SASS6: variants seen among roughly 807,000 people sequenced by gnomAD.
SASS6 encodes spindle assembly abnormal protein 6 homolog.
SASS6 carries 59 observed loss-of-function variants against 94.9 expected under a neutral mutation model. That is an observed-to-expected ratio of 0.62 (90% CI 0.50 to 0.77). SASS6 has a LOEUF of 0.77. Ranked by LOEUF, SASS6 falls within the 30% of genes least tolerant of loss-of-function variation. SASS6 has a pLI of 0.00. For missense variants in SASS6, 698 were observed against 734.1 expected (o/e 0.95, Z 0.57); for synonymous variants, 264 against 270.0 (o/e 0.98, Z 0.22).
At position 100,103,082 on chromosome 1, in the gene SASS6, A is replaced by G; in HGVS notation, c.1547T>C (p.Val516Ala). ...RSGISPNLNV[V>A]DGRLTYPTCG... Reference sequence around the variant, plus strand: ...GGTTGGGTAAGTCAGTCTACCATCAACCTAAAAATAAAAACATAAAGATGA... The same window carrying G: ...GGTTGGGTAAGTCAGTCTACCATCAGCCTAAAAATAAAAACATAAAGATGA... The change falls in exon 14 of 17, where the codon GTT (valine) becomes GCT (alanine). Residue 516 changes from valine to alanine, a missense_variant and splice_region_variant. Coordinates refer to ENST00000287482, the MANE Select transcript of SASS6 (RefSeq NM_194292.3). 6.3e-7 allele frequency: 1 copy of G among 1,578,930 alleles called. No homozygotes were observed. Among genetic ancestry groups the G allele is most frequent in the Non-Finnish European group, 8.6e-7 (1 of 1,156,738 alleles).
Position 100,088,231 on chromosome 1 carries a change from CTG to C in SASS6, c.1678_1679del (p.Gln560ValfsTer2), listed in dbSNP as rs1557877836. On this transcript the variant is annotated frameshift_variant, in exon 15 of 17. Transcript: ENST00000287482. LOFTEE classifies it high-confidence loss of function. ...TTGGTTTTGTAAACTGCAAATTAAA[CTG>C]AACCTGTGAGAAGGAAAAACATCTC... Reference protein sequence around the residue: ...TSHPGSGTKVQFNLQFTKPNA... With the variant: ...TSHPGSGTKVXFNLQFTKPNA... 1 of 1,559,930 alleles carries C rather than the reference CTG, an allele frequency of 6.4e-7. No individual in the cohort carries two copies. The highest frequency in any genetic ancestry group is 1.7e-4 in the Middle Eastern group (1 of 5,942).
At chr1:100,110,185 C>T in intron 8 of SASS6, 107 bp downstream of exon 8, 1 of 580,784 alleles carries the variant, frequency 1.7e-6, no homozygotes, top group East Asian at 3.1e-5. Context: ...TACCCTAACA[C>T]CACAAGAGCA....
chr1:100,091,314 T>C (rs1329678513), intron 14 of SASS6, among the ~76,000 whole-genome samples: 1 of 151,882 alleles, frequency 6.6e-6, no homozygotes, highest in Non-Finnish European at 1.5e-5. Context: ...TGAACTGACT[T>C]AAGAATCACA....
chr1:100,093,275 G>A (rs1651882558), intron 14 of SASS6, among the ~76,000 whole-genome samples: 1 of 150,592 alleles, frequency 6.6e-6, no homozygotes, highest in Admixed American at 6.6e-5. Flanking sequence ...CACATCCTGG[G>A]CTCAGGTGAT....
intron 14 of SASS6, among the ~76,000 whole-genome samples, chr1:100,095,144 C>T (rs1316387744): frequency 3.9e-5 from 6 of 152,118 alleles, no homozygotes; most frequent in Non-Finnish European, 8.8e-5. Context: ...CTAGCAAAAA[C>T]CTACAGCTAA....
At position 100,132,876 on chromosome 1, in the gene SASS6, C is replaced by T. The variant is rs1655196059; in HGVS notation, c.-62G>A. 9 of 1,447,796 alleles carry T rather than the reference C, an allele frequency of 6.2e-6. No homozygotes were observed. In the South Asian group the frequency reaches 9.1e-5, roughly 15 times the overall value. 89.7% of individuals were successfully genotyped at this position (1,447,796 alleles called of 1,614,324 possible). ...CAACAGGCCCGGCCCTCGGGATTAGCCTGAGAGGTCCGGGTCCTGATAAAG... is the reference window on the plus strand; with the variant it reads ...CAACAGGCCCGGCCCTCGGGATTAGTCTGAGAGGTCCGGGTCCTGATAAAG... On this transcript the variant is annotated 5_prime_UTR_variant, in exon 1 of 17. Transcript: ENST00000287482.
Position 100,120,447 on chromosome 1 carries a change from A to T in SASS6, c.496T>A (p.Ser166Thr). The T allele has an allele frequency of 6.9e-7, 1 of 1,439,928 alleles. No individual in the cohort carries two copies. Among genetic ancestry groups the T allele is most frequent in the Non-Finnish European group, 9.8e-7 (1 of 1,022,140 alleles). 89.2% of individuals were successfully genotyped at this position (1,439,928 alleles called of 1,614,324 possible). A position where few individuals can be genotyped will look rare whatever the true frequency, so the allele number is the denominator to read the frequency against. Residue 166 changes from serine (S) to threonine (T), a missense_variant, in exon 6 of 17, where the codon TCA (serine) becomes ACA (threonine). Transcript: ENST00000287482. ...CLKCSKEEKL[S>T]LMQSLDDATK... ...GCATCATCTAGTGATTGCATCAATGATAATTTTTCTTCCTATTCATAAAAA... is the reference window on the plus strand; with the variant it reads ...GCATCATCTAGTGATTGCATCAATGTTAATTTTTCTTCCTATTCATAAAAA...
chr1:100,116,116 G>T (rs1301939011), intron 7 of SASS6, among the ~76,000 whole-genome samples: 1 of 152,092 alleles, frequency 6.6e-6, no homozygotes, highest in Non-Finnish European at 1.5e-5. Context: ...TACGGCAAAA[G>T]ATGCTGGCAA....
At chr1:100,124,610 G>A (rs1382048250) in intron 2 of SASS6, among the ~76,000 whole-genome samples, 1 of 152,104 alleles carries the variant, frequency 6.6e-6, no homozygotes. Flanking sequence ...TCAAACTCCT[G>A]GCTCAAGCAA....
chr1:100,104,033 A>C (rs1048450647), intron 13 of SASS6, among the ~76,000 whole-genome samples: 2 of 152,200 alleles, frequency 1.3e-5, no homozygotes, highest in African/African-American at 4.8e-5. Flanking sequence ...GTGATTTAAG[A>C]AAAAGTTTAA....
At chr1:100,119,997 C>T (rs570371959) in intron 6 of SASS6, among the ~76,000 whole-genome samples, 1 of 152,286 alleles carries the variant, frequency 6.6e-6, no homozygotes, top group African/African-American at 2.4e-5. Flanking sequence ...TGAAATGATG[C>T]TAAGCCTATC....
intron 7 of SASS6, among the ~76,000 whole-genome samples, chr1:100,115,788 C>A (rs61632435): frequency 0.032 from 4,860 of 151,896 alleles, 287 homozygotes; most frequent in African/African-American, 0.11. Context: ...TCACTGCACT[C>A]CAGCCTGGGC....
chr1:100,086,069 T>C (rs2101633653), intron 15 of SASS6, among the ~76,000 whole-genome samples: 1 of 143,520 alleles, frequency 7.0e-6, no homozygotes, highest in South Asian at 2.1e-4. Context: ...TAACACACAT[T>C]ACACAATAAA....
chr1:100,109,092 A>C (rs961539769), intron 8 of SASS6, among the ~76,000 whole-genome samples: 1 of 152,028 alleles, frequency 6.6e-6, no homozygotes, highest in African/African-American at 2.4e-5. Context: ...TTATATAATG[A>C]CCAGTTCCAG....
chr1:100,106,174 A>T (rs1652885937), intron 12 of SASS6, among the ~76,000 whole-genome samples: 2 of 152,206 alleles, frequency 1.3e-5, no homozygotes, highest in Admixed American at 6.5e-5. Context: ...CTTCTAGAAT[A>T]TCTTACAGTT....
chr1:100,129,915 G>A (rs1188547744), intron 1 of SASS6, among the ~76,000 whole-genome samples: 1 of 152,176 alleles, frequency 6.6e-6, no homozygotes, highest in African/African-American at 2.4e-5. Context: ...TCTGACTTTA[G>A]TGTACTTATA....
intron 15 of SASS6, among the ~76,000 whole-genome samples, chr1:100,086,862 T>C (rs1203111783): frequency 2.0e-5 from 3 of 152,184 alleles, no homozygotes; most frequent in African/African-American, 4.8e-5. Context: ...GAATTAAATA[T>C]ATCAAACATT....
intron 1 of SASS6, among the ~76,000 whole-genome samples, chr1:100,130,843 C>G (rs2101698828): frequency 6.6e-6 from 1 of 152,314 alleles, no homozygotes; most frequent in South Asian, 2.1e-4. Context: ...CATCTCTGCC[C>G]TTCCTGTGCA....
intron 13 of SASS6, among the ~76,000 whole-genome samples, chr1:100,105,346 G>A (rs1188991155): frequency 6.6e-6 from 1 of 152,074 alleles, no homozygotes; most frequent in African/African-American, 2.4e-5. Flanking sequence ...GGCTAACAGG[G>A]TGAAATCTGT....
Sources: allele counts gnomAD v4.1 joint callset (sites outside exome capture counted in the v4.1 genomes callset), GRCh38; gene constraint gnomAD v4.1.1; transcripts MANE v1.5; gene names NCBI Gene and HGNC (gene_info 2026-07-23, HGNC 2026-07-21).